The following ECHDC1 variants were observed in gnomAD, a reference collection of about 807,000 sequenced individuals.
The protein encoded by ECHDC1 is ethylmalonyl-CoA decarboxylase.
Under a neutral mutation model 29.7 loss-of-function variants are expected in ECHDC1, and 29 were observed. That is an observed-to-expected ratio of 0.98 (90% CI 0.73 to 1.33). The LOEUF (loss-of-function observed/expected upper bound fraction) is 1.33, where lower values mean the gene tolerates loss of function less well. Among genes scored for constraint, ECHDC1 ranks in the 40% most tolerant of loss-of-function variants. The pLI is 0.00. For synonymous variants in ECHDC1, 126 were observed against 123.1 expected, an observed-to-expected ratio of 1.02 and a Z score of -0.15; for missense variants, 328 against 350.0, an observed-to-expected ratio of 0.94 and a Z score of 0.50.
chr6:127,335,547 C>G (rs1433109247), intron 1 of ECHDC1, among the ~76,000 whole-genome samples: 2 of 151,998 alleles, frequency 1.3e-5, no homozygotes, highest in Admixed American at 6.6e-5. Flanking sequence ...TTGATAGGAC[C>G]TGCTTTTAAC....
chr6:127,342,405 G>C (rs750409893), intron 1 of ECHDC1: 43 of 1,543,250 alleles, frequency 2.8e-5, no homozygotes, highest in Non-Finnish European at 3.5e-5. Flanking sequence ...TTCCTGGAAT[G>C]TTAATCATTG....
At chr6:127,304,387 T>C (rs1781286969) in intron 5 of ECHDC1, among the ~76,000 whole-genome samples, 1 of 152,150 alleles carries the variant, frequency 6.6e-6, no homozygotes, top group Admixed American at 6.6e-5. Context: ...TCACAACACC[T>C]ACGTCCTTCT....
Position 127,327,113 on chromosome 6 carries a change from T to C in ECHDC1, c.252A>G (p.Val84=), listed in dbSNP as rs192968685. Reference sequence around the variant, plus strand: ...CCTCTGTCCAATTTTCCAATTCAATTACTTTTTCCAGAAGTTGTAGCATCA... The same window carrying C: ...CCTCTGTCCAATTTTCCAATTCAATCACTTTTTCCAGAAGTTGTAGCATCA... ...GVMMLQLLEK[V]IELENWTEGK... Residue 84 remains valine (V), a synonymous_variant, in exon 3 of 6, where the codon GTA becomes GTG. Coordinates refer to ENST00000454859, the MANE Select transcript of ECHDC1 (RefSeq NM_001002030.2). 1.2e-6 allele frequency: 2 copies of C among 1,613,988 alleles called. No individual in the cohort carries two copies. Among genetic ancestry groups the C allele is most frequent in the Admixed American group, 3.3e-5 (2 of 60,014 alleles).
intron 5 of ECHDC1, among the ~76,000 whole-genome samples, chr6:127,307,427 G>C (rs111491826): frequency 6.6e-6 from 1 of 151,886 alleles, no homozygotes; most frequent in Non-Finnish European, 1.5e-5. Flanking sequence ...TCAGGAGTTT[G>C]AGACCAGCCT....
intron 5 of ECHDC1, chr6:127,294,855 T>C (rs1006365779): frequency 9.9e-5 from 15 of 152,030 alleles, no homozygotes; most frequent in African/African-American, 3.6e-4. Context: ...AAAATGGGAT[T>C]TGTTATTTTT....
At chr6:127,319,684 T>C (rs964233891) in intron 3 of ECHDC1, among the ~76,000 whole-genome samples, 1 of 152,204 alleles carries the variant, frequency 6.6e-6, no homozygotes, top group Non-Finnish European at 1.5e-5. Context: ...AAGCTAGACC[T>C]GCTCTAATGT....
intron 5 of ECHDC1, among the ~76,000 whole-genome samples, chr6:127,303,533 G>T: frequency 6.6e-6 from 1 of 152,176 alleles, no homozygotes; most frequent in Non-Finnish European, 1.5e-5. Flanking sequence ...ACACTACAAA[G>T]GCTGAGAGTG....
chr6:127,290,041 T>A lies in ECHDC1; in HGVS notation c.734A>T (p.Gln245Leu). 2 of 1,613,740 alleles carry A rather than the reference T, an allele frequency of 1.2e-6. No homozygotes were observed. Among genetic ancestry groups the A allele is most frequent in the Non-Finnish European group, 1.7e-6 (2 of 1,179,754 alleles). The part of the protein sequence containing the change: ...SLEEAQEWLK[Q>L]FIQGPPEVIR... ...TACTTCCGGTGGCCCTTGGATGAAT[T>A]GCTTTAGCCATTCTTGTGCCTCTTC... Residue 245 changes from glutamine to leucine, a missense_variant, in exon 6 of 6, where the codon CAA (glutamine) becomes CTA (leucine). By Grantham distance (113) the Gln-to-Leu change is moderately radical. Transcript: ENST00000454859.
intron 1 of ECHDC1, among the ~76,000 whole-genome samples, chr6:127,332,596 T>G (rs1784060219): frequency 6.6e-6 from 1 of 152,104 alleles, no homozygotes; most frequent in South Asian, 2.1e-4. Flanking sequence ...AGGAGGTGGA[T>G]GTAGGGGAGT....
At chr6:127,293,853 TCC>T (rs1313191402) in intron 5 of ECHDC1, among the ~76,000 whole-genome samples, 5 of 152,268 alleles carry the variant, frequency 3.3e-5, no homozygotes, top group African/African-American at 1.2e-4. Flanking sequence ...TGGACTAAAA[TCC>T]CATAATCTCT....
intron 3 of ECHDC1, among the ~76,000 whole-genome samples, chr6:127,324,248 T>C (rs971957961): frequency 6.6e-6 from 1 of 152,180 alleles, no homozygotes; most frequent in Admixed American, 6.5e-5. Flanking sequence ...CATCTTAATA[T>C]TACTAATTTA....
chr6:127,305,637 TA>T (rs1324519637), intron 5 of ECHDC1, among the ~76,000 whole-genome samples: 1 of 152,034 alleles, frequency 6.6e-6, no homozygotes, highest in Non-Finnish European at 1.5e-5. Context: ...AACAAAAAAT[TA>T]AAAAGCCAGA....
intron 1 of ECHDC1, among the ~76,000 whole-genome samples, chr6:127,334,114 T>A (rs751423266): frequency 6.6e-6 from 1 of 152,160 alleles, no homozygotes; most frequent in Non-Finnish European, 1.5e-5. Context: ...CACATTTCTA[T>A]CTCTAATTCA....
rs1383698847 is a variant in ECHDC1, at chr6:127,314,898, T to A, written c.417-2A>T. 6.2e-7 allele frequency: 1 copy of A among 1,610,854 alleles called. No individual in the cohort carries two copies. The highest frequency in any genetic ancestry group is 1.7e-5 in the Admixed American group (1 of 59,730). On this transcript the variant is annotated splice_acceptor_variant, in intron 4 of 5. Transcript: ENST00000454859. LOFTEE classifies it high-confidence loss of function. ...AGCGCAACACTTATTAAAGGAAGTC[T>A]GTATATTGAAGAAAAAACTGATGTT...
chr6:127,296,973 C>A (rs1286731343), intron 5 of ECHDC1, among the ~76,000 whole-genome samples: 1 of 152,022 alleles, frequency 6.6e-6, no homozygotes, highest in Non-Finnish European at 1.5e-5. Flanking sequence ...CCACTATACA[C>A]CCCAGCCTGG....
intron 5 of ECHDC1, among the ~76,000 whole-genome samples, chr6:127,311,285 G>A (rs1175903793): frequency 3.3e-5 from 5 of 152,076 alleles, no homozygotes; most frequent in African/African-American, 1.2e-4. Flanking sequence ...AAGCAAAACC[G>A]TAGTATATGT....
chr6:127,328,036 G>A (rs980481170), intron 2 of ECHDC1, among the ~76,000 whole-genome samples: 2 of 152,208 alleles, frequency 1.3e-5, no homozygotes, highest in Admixed American at 6.5e-5. Flanking sequence ...GTACCACAAG[G>A]TTCCAAAAGA....
intron 5 of ECHDC1, 53 bp from the exon 6 acceptor site, chr6:127,290,330 CAT>C: frequency 6.5e-7 from 1 of 1,534,248 alleles, no homozygotes; most frequent in Non-Finnish European, 8.8e-7. Context: ...ATGCTCTAAT[CAT>C]AAAGTACTAT....
At chr6:127,331,125 G>T in intron 1 of ECHDC1, 95 bp from the exon 2 acceptor site, 6 of 840,248 alleles carry the variant, frequency 7.1e-6, no homozygotes, top group Admixed American at 2.7e-5. Context: ...GGACCCTTCT[G>T]TTGAGTTGGG....
Sources: gnomAD v4.1 joint callset for allele counts (sites outside exome capture counted in the v4.1 genomes callset) on GRCh38, gnomAD v4.1.1 for gene constraint, MANE v1.5 for transcripts, NCBI Gene and HGNC (gene_info 2026-07-23, HGNC 2026-07-21) for gene names.